SSR4: variants seen among roughly 807,000 people sequenced by gnomAD.
SSR4 encodes the protein translocon-associated protein subunit delta.
For synonymous variants in SSR4, 84 were observed against 65.6 expected (o/e 1.28, Z -1.35); for missense variants, 125 against 148.8 (o/e 0.84, Z 0.83).
chrX:153,797,025 C>T, intron 2 of SSR4: 1 of 184,050 alleles, frequency 5.4e-6, no homozygotes, highest in Non-Finnish European at 1.0e-5. Context: ...ATGACAGGTG[C>T]TCGCCACCAT....
At chrX:153,797,352 C>T in intron 2 of SSR4, 106 bp from the exon 3 acceptor site, 1 of 677,029 alleles carries the variant, frequency 1.5e-6, no homozygotes, top group Non-Finnish European at 2.4e-6. Flanking sequence ...CAGCCCCCAA[C>T]TGGGCCTAGC....
upstream of SSR4, chrX:153,794,653 G>T (rs374141854): frequency 1.7e-6 from 2 of 1,210,786 alleles, no homozygotes; most frequent in African/African-American, 3.5e-5. Flanking sequence ...GTTCATGGGA[G>T]CTCGTTTTCT....
chrX:153,794,888 C>A, intron 1 of SSR4, 134 bp downstream of exon 1: 1 of 799,259 alleles, frequency 1.3e-6, no homozygotes, highest in Non-Finnish European at 1.7e-6. Context: ...GAGAGGCAGG[C>A]GGCCTTGGGA....
At chrX:153,794,254 G>T (rs1308495555), upstream of SSR4, 1 of 1,195,706 alleles carries the variant, frequency 8.4e-7, no homozygotes, top group Non-Finnish European at 1.1e-6. Context: ...ACCTCCCAGG[G>T]ACGGCAGAGA....
intron 1 of SSR4, 107 bp downstream of exon 1, chrX:153,794,861 G>C: frequency 1.0e-6 from 1 of 965,306 alleles, no homozygotes; most frequent in Non-Finnish European, 1.4e-6. Context: ...CCGTCGCTGC[G>C]GGCCGGGCCT....
In SSR4 at chrX:153,796,420, C is replaced by G; in HGVS notation, c.68-14C>G. 2 of 1,161,354 alleles carry G rather than the reference C, an allele frequency of 1.7e-6. No homozygotes were observed. Among genetic ancestry groups the G allele is most frequent in the Non-Finnish European group, 2.4e-6 (2 of 850,049 alleles). On this transcript the variant is annotated splice_polypyrimidine_tract_variant and intron_variant, in intron 1 of 5. Transcript: ENST00000370086. Reference sequence around the variant, plus strand: ...AGCTGGCCTTACCCAGGCATCTCTCCCTCTTCCCCGCAGCCGAGGCCTGCC... The same window carrying G: ...AGCTGGCCTTACCCAGGCATCTCTCGCTCTTCCCCGCAGCCGAGGCCTGCC...
rs369830754 is a variant in SSR4, at chrX:153,797,935, A to G, written c.351+121A>G. 5.5e-5 allele frequency: 48 copies of G among 866,531 alleles called. 3 individuals carry two copies. Among genetic ancestry groups the G allele is most frequent in the African/African-American group, 3.2e-4 (16 of 50,150 alleles). The allele number at this position is 866,531 out of a possible 1,213,427, so 71.4% of individuals were successfully genotyped here. ...CTTTCTGTGATCCTGTCCCTTCCTCAGTGTCTCTTGCCCATTTCTCTCCTT... is the reference window on the plus strand; with the variant it reads ...CTTTCTGTGATCCTGTCCCTTCCTCGGTGTCTCTTGCCCATTTCTCTCCTT... On this transcript the variant is annotated intron_variant, in intron 4 of 5. Transcript: ENST00000370086.
intron 1 of SSR4, 120 bp from the exon 2 acceptor site, chrX:153,796,314 G>A: frequency 2.0e-6 from 1 of 505,645 alleles, no homozygotes; most frequent in Middle Eastern, 3.8e-4. Context: ...CCTGGAAGGG[G>A]CAGGAAGAGC....
At chrX:153,796,625 G>A (rs2092143384) in intron 2 of SSR4, 73 bp downstream of exon 2, 1 of 768,515 alleles carries the variant, frequency 1.3e-6, no homozygotes, top group African/African-American at 2.1e-5. Context: ...GGGGACCTGT[G>A]TCGATAGAGG....
upstream of SSR4, chrX:153,794,573 G>C: frequency 8.5e-7 from 1 of 1,180,402 alleles, no homozygotes; most frequent in Non-Finnish European, 1.1e-6. Flanking sequence ...CACAATGCCG[G>C]CCCAGCCGTT....
chrX:153,795,832 G>A, intron 1 of SSR4: 17 of 755,025 alleles, frequency 2.3e-5, no homozygotes, highest in Non-Finnish European at 2.5e-5. Context: ...TTTCCTTTGG[G>A]CCTCTGGTTA....
At chrX:153,794,987 G>T in intron 1 of SSR4, 1 of 425,598 alleles carries the variant, frequency 2.3e-6, no homozygotes, top group Non-Finnish European at 4.1e-6. Context: ...GAGCCTCCAT[G>T]GTGCGCCCGG....
rs375165935 is a variant in SSR4, at chrX:153,794,683, A to AGGCGATGGC, written c.6_14dup. On this transcript the variant is annotated 5_prime_UTR_variant, in exon 1 of 6. The change creates a new upstream start codon in the 5' untranslated region. Transcript: ENST00000370086. Reference sequence around the variant, plus strand: ...TTTTCTTTTCCTCTAGGCAGAGAAGAGGCGATGGCGGCGATGGCATCTCTC... The same window carrying AGGCGATGGC: ...TTTTCTTTTCCTCTAGGCAGAGAAGAGGCGATGGCGGCGATGGCGGCGATGGCATCTCTC... 110 of 1,211,270 alleles carry AGGCGATGGC rather than the reference A, an allele frequency of 9.1e-5. 1 individual carries two copies. In the South Asian group the frequency reaches 1.8e-3, roughly 19 times the overall value.
Position 153,794,760 on chromosome X carries a change from G to A in SSR4, c.67+6G>A, listed in dbSNP as rs537293003. On this transcript the variant is annotated splice_donor_region_variant and intron_variant, in intron 1 of 5. Coordinates refer to ENST00000370086, the MANE Select transcript of SSR4 (RefSeq NM_006280.3). ...CAGCCTCTCCCGCTGCTCAGGTAGCGGCCCAGCCGGGGCTTCTTTCTTGCG... is the reference window on the plus strand; with the variant it reads ...CAGCCTCTCCCGCTGCTCAGGTAGCAGCCCAGCCGGGGCTTCTTTCTTGCG... 2.5e-6 allele frequency: 3 copies of A among 1,209,076 alleles called. No homozygotes were observed. The highest frequency in any genetic ancestry group is 3.5e-5 in the South Asian group (2 of 56,551).
intron 1 of SSR4, chrX:153,795,651 C>T (rs1487946029): frequency 2.5e-5 from 19 of 752,962 alleles, no homozygotes; most frequent in Non-Finnish European, 2.8e-5. Flanking sequence ...ACTGCCTCCA[C>T]GCTGTTCCTA....
At chrX:153,795,368 G>A (rs1447201480) in intron 1 of SSR4, 1 of 113,041 alleles carries the variant, frequency 8.8e-6, no homozygotes, top group African/African-American at 3.2e-5. Context: ...CGGGCCCGGG[G>A]GCCAGGACTG....
intron 1 of SSR4, chrX:153,795,890 G>A: frequency 1.4e-6 from 1 of 739,489 alleles, no homozygotes; most frequent in Middle Eastern, 7.8e-4. Flanking sequence ...AACAAGTTGT[G>A]CTTCTGGAAC....
chrX:153,798,139 G>A lies in SSR4; in HGVS notation c.417+3G>A, dbSNP rs200719052. ...TTACAGTCAGCGTGGACCATCGGGT[G>A]AGTGGCCTGGTCCCTCCTCCTTTTT... On this transcript the variant is annotated splice_donor_region_variant and intron_variant, in intron 5 of 5. Transcript: ENST00000370086. The A allele has an allele frequency of 2.8e-5, 34 of 1,207,910 alleles. No homozygotes were observed. Among genetic ancestry groups the A allele is most frequent in the Non-Finnish European group, 3.6e-5 (32 of 893,282 alleles).
Position 153,797,785 on chromosome X carries a change from G to A in SSR4, c.322G>A (p.Asp108Asn), listed in dbSNP as rs782282879. 4.1e-6 allele frequency: 5 copies of A among 1,208,112 alleles called. No individual in the cohort carries two copies. The highest frequency in any genetic ancestry group is 4.5e-6 in the Non-Finnish European group (4 of 893,719). Residue 108 changes from aspartate to asparagine, a missense_variant, in exon 4 of 6, where the codon GAC becomes AAC. Asp to Asn is a conservative substitution (Grantham distance 23, BLOSUM62 1). Transcript: ENST00000370086. ...HAGTYEVRFFDEESYSLLRKA... is the reference protein window; with the variant it reads ...HAGTYEVRFFNEESYSLLRKA... Reference sequence around the variant, plus strand: ...AGGCACCTATGAGGTTAGATTCTTCGACGAGGAGTCCTACAGCCTCCTCAG... The same window carrying A: ...AGGCACCTATGAGGTTAGATTCTTCAACGAGGAGTCCTACAGCCTCCTCAG...
Sources: gnomAD v4.1 joint callset for allele counts on GRCh38, gnomAD v4.1.1 for gene constraint, MANE v1.5 for transcripts, NCBI Gene and HGNC (gene_info 2026-07-23, HGNC 2026-07-21) for gene names.